Variants in TUBGCP4 observed in about 807,000 individuals in gnomAD.
TUBGCP4 encodes tubulin gamma complex component 4.
TUBGCP4 carries 54 observed loss-of-function variants against 91.6 expected under a neutral mutation model. The ratio of observed to expected loss-of-function variants is 0.59; its 90% CI spans 0.47 to 0.74. TUBGCP4 has a LOEUF of 0.74. Among genes scored for constraint, TUBGCP4 ranks in the 30% least tolerant of loss-of-function variants. TUBGCP4 has a pLI of 0.00. For synonymous variants in TUBGCP4, 297 were observed against 302.8 expected, an observed-to-expected ratio of 0.98 and a Z score of 0.20; for missense variants, 593 against 800.9, an observed-to-expected ratio of 0.74 and a Z score of 3.13.
chr15:43,398,943 C>A (rs2044624893), intron 13 of TUBGCP4, among the ~76,000 whole-genome samples: 1 of 152,212 alleles, frequency 6.6e-6, no homozygotes, highest in Non-Finnish European at 1.5e-5. Flanking sequence ...AACAGAACTA[C>A]AATGCCATTA....
chr15:43,372,041 A>C (rs2044131746), intron 1 of TUBGCP4, among the ~76,000 whole-genome samples: 1 of 152,206 alleles, frequency 6.6e-6, no homozygotes, highest in Non-Finnish European at 1.5e-5. Context: ...TTAAATAACT[A>C]TCGGGGTCAT....
At chr15:43,375,947 G>T in intron 1 of TUBGCP4, 151 bp from the exon 2 acceptor site, 1 of 1,192,498 alleles carries the variant, frequency 8.4e-7, no homozygotes, top group Admixed American at 2.1e-5. Context: ...CCTTTGAAGT[G>T]CTTTGGAAAT....
chr15:43,407,123 T>TGA lies in TUBGCP4; in HGVS notation c.*1910_*1911dup. The TGA allele has an allele frequency of 2.6e-6, 1 of 391,186 alleles. No individual in the cohort carries two copies. The highest frequency in any genetic ancestry group is 4.7e-6 in the Non-Finnish European group (1 of 214,386). 24.2% of individuals were successfully genotyped at this position (391,186 alleles called of 1,614,324 possible). A position where few individuals can be genotyped will look rare whatever the true frequency, so the allele number is the denominator to read the frequency against. On this transcript the variant is annotated 3_prime_UTR_variant, in exon 18 of 18. Transcript: ENST00000564079. ...TCCTTGGCCAGCTGTCCTCCGTAAG[T>TGA]GAATAAGCCTGTTGAAAGACTCAGA...
Position 43,376,635 on chromosome 15 carries a change from A to G in TUBGCP4, c.330+10A>G. The G allele has an allele frequency of 6.2e-7, 1 of 1,614,144 alleles. No homozygotes were observed. The highest frequency in any genetic ancestry group is 2.2e-5 in the East Asian group (1 of 44,880). On this transcript the variant is annotated intron_variant, in intron 3 of 17. Transcript: ENST00000564079. ...TGATTTGGAACAAGAGGTAAGAAGG[A>G]GGAGATATAGGAAACACCTCTGGGA...
At chr15:43,379,363 C>T (rs934667964) in intron 5 of TUBGCP4, among the ~76,000 whole-genome samples, 4 of 152,126 alleles carry the variant, frequency 2.6e-5, no homozygotes, top group South Asian at 2.1e-4. Flanking sequence ...GTCTGGGGAC[C>T]GGGCATGGTG....
intron 16 of TUBGCP4, 147 bp from the exon 17 acceptor site, chr15:43,404,262 GAACT>G: frequency 1.2e-6 from 1 of 826,314 alleles, no homozygotes; most frequent in Non-Finnish European, 1.8e-6. Context: ...GTCATTTTAG[GAACT>G]AATAGAAATA....
chr15:43,391,626 T>A (rs1389704185), intron 9 of TUBGCP4: 5 of 152,292 alleles, frequency 3.3e-5, no homozygotes, highest in Non-Finnish European at 5.9e-5. Flanking sequence ...ACCTGATTGG[T>A]GTAGCACACT....
chr15:43,395,319 C>A (rs538160015), intron 10 of TUBGCP4, 162 bp downstream of exon 10: 3 of 774,184 alleles, frequency 3.9e-6, no homozygotes, highest in Middle Eastern at 2.4e-4. Context: ...CACAAATCTA[C>A]GATAATACAA....
intron 13 of TUBGCP4, chr15:43,399,146 C>A: frequency 7.9e-7 from 1 of 1,263,888 alleles, no homozygotes; most frequent in South Asian, 1.3e-5. Context: ...CAGAATGGGA[C>A]TGTCTTCTGC....
At chr15:43,390,985 CTTTTCTTTTTT>C (rs1384331427) in intron 9 of TUBGCP4, among the ~76,000 whole-genome samples, 2 of 150,898 alleles carry the variant, frequency 1.3e-5, no homozygotes, top group East Asian at 3.9e-4. Context: ...CCAGCTAATT[CTTTTCTTTTTT>C]TTTTCTTTTC....
Position 43,405,834 on chromosome 15 carries a change from G to GT in TUBGCP4, c.*623dup, listed in dbSNP as rs1298805236. 7.2e-5 allele frequency: 11 copies of GT among 152,380 alleles called. No individual in the cohort carries two copies. The highest frequency in any genetic ancestry group is 2.6e-4 in the African/African-American group (11 of 41,540). The allele number at this position is 152,380 out of a possible 1,614,324, so 9.4% of individuals were successfully genotyped here. A position where few individuals can be genotyped will look rare whatever the true frequency, so the allele number is the denominator to read the frequency against. Reference sequence around the variant, plus strand: ...GCGGGCGGATCACCTGAAGTCAGGAGTTTGAGACCAGCCTGACCAACATGA... The same window carrying GT: ...GCGGGCGGATCACCTGAAGTCAGGAGTTTTGAGACCAGCCTGACCAACATGA... On this transcript the variant is annotated 3_prime_UTR_variant, in exon 18 of 18. Transcript: ENST00000564079.
In TUBGCP4 at chr15:43,407,895, C is replaced by A; in HGVS notation, c.*2681C>A. 6.3e-7 allele frequency: 1 copy of A among 1,574,974 alleles called. No individual in the cohort carries two copies. ...ACCACAAGGCCTAACACCTACAGGT[C>A]TAAGGAGATCCCTGGAACAAAGACA... On this transcript the variant is annotated 3_prime_UTR_variant, in exon 18 of 18. Coordinates refer to ENST00000564079, the MANE Select transcript of TUBGCP4 (RefSeq NM_014444.5).
Position 43,407,638 on chromosome 15 carries a change from T to G in TUBGCP4, c.*2424T>G. ...CTTAGCCCTCCATTAGAAAGAGAGA[T>G]TTGATTCTAACCAATACATCCCACT... On this transcript the variant is annotated 3_prime_UTR_variant, in exon 18 of 18. Transcript: ENST00000564079. 1.4e-6 allele frequency: 2 copies of G among 1,465,068 alleles called. No individual in the cohort carries two copies. Among genetic ancestry groups the G allele is most frequent in the African/African-American group, 1.4e-5 (1 of 71,238 alleles). 90.8% of individuals were successfully genotyped at this position (1,465,068 alleles called of 1,614,324 possible).
chr15:43,380,960 T>C (rs2044276666), intron 6 of TUBGCP4, among the ~76,000 whole-genome samples: 1 of 152,120 alleles, frequency 6.6e-6, no homozygotes, highest in Non-Finnish European at 1.5e-5. Flanking sequence ...TGTTTTGTTC[T>C]TTTTTTCTTA....
At position 43,408,974 on chromosome 15, in the gene TUBGCP4, A is replaced by C; in HGVS notation, c.*3760A>C. 1.9e-6 allele frequency: 3 copies of C among 1,614,232 alleles called. No homozygotes were observed. The highest frequency in any genetic ancestry group is 2.2e-5 in the South Asian group (2 of 91,088). Reference sequence around the variant, plus strand: ...TACGGTAGTTCTGGAGCTGGTTGGCATGGCAACTATCATGGACCCAGACAT... The same window carrying C: ...TACGGTAGTTCTGGAGCTGGTTGGCCTGGCAACTATCATGGACCCAGACAT... On this transcript the variant is annotated 3_prime_UTR_variant, in exon 18 of 18. Coordinates refer to ENST00000564079, the MANE Select transcript of TUBGCP4 (RefSeq NM_014444.5).
Position 43,404,989 on chromosome 15 carries a change from G to A in TUBGCP4, c.1989-213G>A, listed in dbSNP as rs1322545607. 10 of 581,870 alleles carry A rather than the reference G, an allele frequency of 1.7e-5. No homozygotes were observed. In the East Asian group the frequency reaches 2.9e-4, roughly 17 times the overall value. 36.0% of individuals were successfully genotyped at this position (581,870 alleles called of 1,614,324 possible). On this transcript the variant is annotated intron_variant, in intron 17 of 17. Coordinates refer to ENST00000564079, the MANE Select transcript of TUBGCP4 (RefSeq NM_014444.5). ...GTGGTAGCTGGCTTCCCAGAGGTCT[G>A]TCATTCCCATTCAGAAAATCACTTC...
chr15:43,384,363 A>G (rs1595483729), intron 7 of TUBGCP4, among the ~76,000 whole-genome samples: 1 of 152,298 alleles, frequency 6.6e-6, no homozygotes, highest in South Asian at 2.1e-4. Context: ...AAGACTAAAT[A>G]TGGGTATTCT....
intron 14 of TUBGCP4, among the ~76,000 whole-genome samples, 159 bp downstream of exon 14, chr15:43,400,380 A>G (rs1015594317): frequency 3.3e-5 from 5 of 152,176 alleles, no homozygotes; most frequent in African/African-American, 1.2e-4. Context: ...TAAAATAAAA[A>G]AAGCATTTTA....
At position 43,406,968 on chromosome 15, in the gene TUBGCP4, T is replaced by G. The variant is rs1462948894; in HGVS notation, c.*1754T>G. ...GCTGTGCCCAATTCCACTCAACTTTTGGCACAACTGTTAATCTGGGCCTTC... is the reference window on the plus strand; with the variant it reads ...GCTGTGCCCAATTCCACTCAACTTTGGGCACAACTGTTAATCTGGGCCTTC... On this transcript the variant is annotated 3_prime_UTR_variant, in exon 18 of 18. Coordinates refer to ENST00000564079, the MANE Select transcript of TUBGCP4 (RefSeq NM_014444.5). 4.4e-6 allele frequency: 1 copy of G among 229,452 alleles called. No homozygotes were observed. The highest frequency in any genetic ancestry group is 2.3e-5 in the African/African-American group (1 of 43,456). The allele number at this position is 229,452 out of a possible 1,614,324, so 14.2% of individuals were successfully genotyped here.
Sources: gnomAD v4.1 joint callset for allele counts (sites outside exome capture counted in the v4.1 genomes callset) on GRCh38, gnomAD v4.1.1 for gene constraint, MANE v1.5 for transcripts, NCBI Gene and HGNC (gene_info 2026-07-23, HGNC 2026-07-21) for gene names.